THEMIS: variants seen among roughly 807,000 people sequenced by gnomAD.
THEMIS encodes the protein protein THEMIS.
In THEMIS, 37 loss-of-function variants were observed where a neutral mutation model predicts 52.6. The observed-to-expected ratio is 0.70, with a 90% CI of 0.54 to 0.93. The LOEUF (loss-of-function observed/expected upper bound fraction) is 0.93. THEMIS is among the 40% of genes least tolerant of loss of function. THEMIS has a pLI of 0.00. For missense variants in THEMIS, 808 were observed against 763.1 expected (o/e 1.06, Z -0.69); for synonymous variants, 292 against 272.7 (o/e 1.07, Z -0.70).
At chr6:127,816,467 C>G (rs1455845425) in intron 3 of THEMIS, among the ~76,000 whole-genome samples, 2 of 152,150 alleles carry the variant, frequency 1.3e-5, no homozygotes, top group Non-Finnish European at 2.9e-5. Flanking sequence ...TAATCTTCCT[C>G]CAAAACCTAA....
intron 1 of THEMIS, among the ~76,000 whole-genome samples, chr6:127,868,936 T>A (rs1780068727): frequency 6.6e-6 from 1 of 152,212 alleles, no homozygotes; most frequent in Non-Finnish European, 1.5e-5. Context: ...TACTGATATA[T>A]TGGTGAGCAA....
rs111817310 is a variant in THEMIS at position 127,817,218 on chromosome 6, C to T, written c.710-3287G>A. ...CTAGAATGTCTAGAGTGGCACCTGG[C>T]GTATAGTAGATACTCAATAAATGAA... is the stretch of plus-strand genomic sequence containing the variant. On this transcript the variant is annotated intron_variant, in intron 3 of 5. Transcript: ENST00000368248. Among the ~76,000 whole-genome samples the T allele has an allele frequency of 2.6e-4, 39 of 151,954 alleles. 1 individual carries two copies. Among genetic ancestry groups the T allele is most frequent in the African/African-American group, 8.7e-4 (36 of 41,438 alleles).
intron 4 of THEMIS, among the ~76,000 whole-genome samples, chr6:127,738,797 TG>T (rs1775095555): frequency 6.6e-6 from 1 of 152,210 alleles, no homozygotes; most frequent in African/African-American, 2.4e-5. Context: ...AGGACATTTC[TG>T]TACAATTTCA....
intron 4 of THEMIS, among the ~76,000 whole-genome samples, chr6:127,765,139 G>A (rs1441693256): frequency 3.3e-5 from 5 of 151,958 alleles, no homozygotes; most frequent in African/African-American, 1.2e-4. Flanking sequence ...TATATGAAAG[G>A]TCTCTTCAGA....
At chr6:127,821,558 T>G (rs1778341300) in intron 3 of THEMIS, among the ~76,000 whole-genome samples, 1 of 152,100 alleles carries the variant, frequency 6.6e-6, no homozygotes, top group Non-Finnish European at 1.5e-5. Context: ...CATTCCATTT[T>G]TTCTGAAAGA....
intron 4 of THEMIS, among the ~76,000 whole-genome samples, chr6:127,744,139 T>C (rs1775301389): frequency 6.6e-6 from 1 of 152,082 alleles, no homozygotes. Flanking sequence ...ACTGTCTTTA[T>C]TGGGTTTACC....
At chr6:127,887,122 G>T (rs1200788563) in intron 1 of THEMIS, among the ~76,000 whole-genome samples, 1 of 151,698 alleles carries the variant, frequency 6.6e-6, no homozygotes, top group Non-Finnish European at 1.5e-5. Context: ...TGTACAAATT[G>T]TATATCTAAT....
At chr6:127,830,010 GT>G in intron 2 of THEMIS, 76 bp from the exon 3 acceptor site, 1 of 1,065,960 alleles carries the variant, frequency 9.4e-7, no homozygotes, top group Non-Finnish European at 1.4e-6. Flanking sequence ...CAAGGAGAGA[GT>G]TACAACACAA....
intron 1 of THEMIS, among the ~76,000 whole-genome samples, chr6:127,893,392 A>G (rs1011278154): frequency 6.6e-6 from 1 of 152,198 alleles, no homozygotes; most frequent in Non-Finnish European, 1.5e-5. Context: ...TTTATATGCC[A>G]TAGCTCAATT....
chr6:127,732,806 C>A (rs998078326), intron 4 of THEMIS, among the ~76,000 whole-genome samples: 3 of 152,302 alleles, frequency 2.0e-5, no homozygotes, highest in South Asian at 2.1e-4. Flanking sequence ...TGTGAATATT[C>A]CTGTTCATGT....
At chr6:127,814,701 G>A (rs1008048382) in intron 3 of THEMIS, among the ~76,000 whole-genome samples, 6 of 152,124 alleles carry the variant, frequency 3.9e-5, no homozygotes, top group Admixed American at 6.5e-5. Flanking sequence ...TGCCTCATGC[G>A]TCACTGGGGT....
Position 127,820,378 on chromosome 6 carries a change from G to A in THEMIS, c.710-6447C>T, listed in dbSNP as rs536546904. On this transcript the variant is annotated intron_variant, in intron 3 of 5. Coordinates refer to ENST00000368248, the MANE Select transcript of THEMIS (RefSeq NM_001010923.3). Reference sequence around the variant, plus strand: ...GTATAATCCAGATGGCAAGGACACCGTGATCAATGATAAGAAGGGAAATTG... The same window carrying A: ...GTATAATCCAGATGGCAAGGACACCATGATCAATGATAAGAAGGGAAATTG... Among the ~76,000 whole-genome samples the A allele has an allele frequency of 2.7e-4, 41 of 152,136 alleles. 1 individual carries two copies. The East Asian group carries it at 3.7e-3, about 14-fold the overall frequency.
intron 4 of THEMIS, among the ~76,000 whole-genome samples, chr6:127,749,465 T>C (rs1203383467): frequency 1.3e-5 from 2 of 152,026 alleles, no homozygotes; most frequent in Non-Finnish European, 2.9e-5. Flanking sequence ...CAGAAAAGAA[T>C]GGTCATATTT....
At chr6:127,885,200 C>A (rs1179293587) in intron 1 of THEMIS, among the ~76,000 whole-genome samples, 6 of 152,120 alleles carry the variant, frequency 3.9e-5, no homozygotes, top group Admixed American at 3.9e-4. Flanking sequence ...AATATGACCA[C>A]AAATGACCTG....
intron 1 of THEMIS, among the ~76,000 whole-genome samples, chr6:127,864,528 G>A (rs1779909277): frequency 6.6e-6 from 1 of 152,038 alleles, no homozygotes; most frequent in African/African-American, 2.4e-5. Context: ...AGGCATCCTG[G>A]AGAAGATGAG....
chr6:127,697,180 A>G, the THEMIS span, among the ~76,000 whole-genome samples: 1 of 152,146 alleles, frequency 6.6e-6, no homozygotes, highest in Non-Finnish European at 1.5e-5. Flanking sequence ...TTCCTGCACT[A>G]TTCTTTATTA....
intron 4 of THEMIS, among the ~76,000 whole-genome samples, chr6:127,764,113 T>C (rs1776114497): frequency 6.6e-6 from 1 of 151,970 alleles, no homozygotes; most frequent in East Asian, 1.9e-4. Flanking sequence ...ATCAGAAAAT[T>C]GGTAATAGAA....
chr6:127,873,580 T>C (rs1363273824), intron 1 of THEMIS, among the ~76,000 whole-genome samples: 3 of 152,180 alleles, frequency 2.0e-5, no homozygotes, highest in Non-Finnish European at 4.4e-5. Flanking sequence ...CTGGAAAAAT[T>C]GGACATCCAT....
At chr6:127,848,224 T>C (rs1779290211) in intron 2 of THEMIS, among the ~76,000 whole-genome samples, 1 of 151,784 alleles carries the variant, frequency 6.6e-6, no homozygotes, top group Non-Finnish European at 1.5e-5. Context: ...GGTTTCCAGC[T>C]TCATCCATGT....
Sources: allele counts gnomAD v4.1 joint callset (sites outside exome capture counted in the v4.1 genomes callset), GRCh38; gene constraint gnomAD v4.1.1; transcripts MANE v1.5; gene names NCBI Gene and HGNC (gene_info 2026-07-23, HGNC 2026-07-21).